PRKN: variants seen among roughly 807,000 people sequenced by gnomAD.
PRKN encodes the protein parkin RBR E3 ubiquitin protein ligase.
PRKN carries 56 observed loss-of-function variants against 59.5 expected under a neutral mutation model. The observed-to-expected ratio is 0.94, with a 90% CI of 0.76 to 1.18. PRKN has a LOEUF of 1.18. PRKN is among the 50% of genes most tolerant of loss of function. The pLI is 0.00. For synonymous variants in PRKN, 250 were observed against 222.1 expected (o/e 1.13, Z -1.12); for missense variants, 657 against 596.4 (o/e 1.10, Z -1.06).
intron 6 of PRKN, among the ~76,000 whole-genome samples, chr6:161,798,286 A>G (rs1034743168): frequency 1.3e-5 from 2 of 152,146 alleles, no homozygotes; most frequent in African/African-American, 2.4e-5. Flanking sequence ...TCATGCAAAG[A>G]TGTGACTGTC....
intron 1 of PRKN, among the ~76,000 whole-genome samples, chr6:162,666,589 G>A (rs1779114682): frequency 6.6e-6 from 1 of 152,006 alleles, no homozygotes. Flanking sequence ...TTCACATGGA[G>A]TAACATTTTA....
intron 10 of PRKN, among the ~76,000 whole-genome samples, chr6:161,384,629 T>C (rs1786147476): frequency 6.6e-6 from 1 of 152,212 alleles, no homozygotes; most frequent in Non-Finnish European, 1.5e-5. Context: ...GCAGATGTCA[T>C]CTTGGGCCTG....
At chr6:162,558,075 T>G (rs1353820660) in intron 1 of PRKN, among the ~76,000 whole-genome samples, 3 of 152,200 alleles carry the variant, frequency 2.0e-5, no homozygotes, top group Admixed American at 2.0e-4. Flanking sequence ...AGTATCTATA[T>G]CTCTCCTTTT....
chr6:162,582,636 T>C (rs1780834079), intron 1 of PRKN, among the ~76,000 whole-genome samples: 1 of 152,190 alleles, frequency 6.6e-6, no homozygotes, highest in African/African-American at 2.4e-5. Context: ...TCAGCTCTCT[T>C]TGCATTTTAA....
intron 7 of PRKN, among the ~76,000 whole-genome samples, chr6:161,718,787 C>G (rs922374092): frequency 6.6e-6 from 1 of 152,182 alleles, no homozygotes; most frequent in Admixed American, 6.5e-5. Flanking sequence ...AAATCTTCCT[C>G]CCGTTCAGTG....
chr6:161,688,975 G>A (rs1328647965), intron 7 of PRKN, among the ~76,000 whole-genome samples: 1 of 152,156 alleles, frequency 6.6e-6, no homozygotes, highest in Non-Finnish European at 1.5e-5. Context: ...AGATCACCAA[G>A]GGAAACTGGA....
intron 6 of PRKN, among the ~76,000 whole-genome samples, chr6:161,935,644 T>G (rs1194446933): frequency 6.6e-6 from 1 of 151,264 alleles, no homozygotes; most frequent in African/African-American, 2.4e-5. Context: ...TCTGCTAAAA[T>G]CCAAGCAACT....
At chr6:161,366,902 C>T (rs1013061655) in intron 10 of PRKN, among the ~76,000 whole-genome samples, 1 of 150,664 alleles carries the variant, frequency 6.6e-6, no homozygotes, top group Non-Finnish European at 1.5e-5. Context: ...ATTTACGAAT[C>T]GCTTTTTTGT....
At chr6:162,592,218 G>A (rs776061628) in intron 1 of PRKN, among the ~76,000 whole-genome samples, 5 of 151,994 alleles carry the variant, frequency 3.3e-5, no homozygotes, top group African/African-American at 4.8e-5. Flanking sequence ...AGCTGGTCTC[G>A]AACTCCTGAC....
At chr6:161,524,168 T>C (rs371588744) in intron 9 of PRKN, among the ~76,000 whole-genome samples, 19 of 152,312 alleles carry the variant, frequency 1.2e-4, no homozygotes, top group African/African-American at 2.2e-4. Context: ...CAAAAGGATG[T>C]TGGAATTATT....
intron 7 of PRKN, among the ~76,000 whole-genome samples, chr6:161,757,113 A>G (rs1278148527): frequency 2.6e-5 from 4 of 152,258 alleles, no homozygotes; most frequent in South Asian, 2.1e-4. Context: ...ATATCTTAAT[A>G]TAAAACATAA....
intron 1 of PRKN, among the ~76,000 whole-genome samples, chr6:162,566,557 A>T (rs746632113): frequency 6.6e-6 from 1 of 152,172 alleles, no homozygotes; most frequent in Non-Finnish European, 1.5e-5. Context: ...TCCTAGATAC[A>T]TACAACCTAC....
chr6:161,899,992 C>T (rs1034400663), intron 6 of PRKN, among the ~76,000 whole-genome samples: 101 of 152,030 alleles, frequency 6.6e-4, no homozygotes, highest in African/African-American at 2.4e-3. Flanking sequence ...CGTCTGTAAT[C>T]CCAGCTACTC....
intron 7 of PRKN, among the ~76,000 whole-genome samples, chr6:161,768,913 C>A (rs4512198): frequency 0.53 from 80,818 of 151,936 alleles, 21,763 homozygotes; most frequent in Non-Finnish European, 0.57. Context: ...CTCAGTAATG[C>A]CGCTATTTAT....
intron 2 of PRKN, among the ~76,000 whole-genome samples, chr6:162,289,727 C>T (rs1781342001): frequency 6.6e-6 from 1 of 151,896 alleles, no homozygotes; most frequent in African/African-American, 2.4e-5. Flanking sequence ...CAATTCACTC[C>T]ATAACGCCCA....
chr6:162,139,184 AT>A (rs1297002609), intron 4 of PRKN, among the ~76,000 whole-genome samples: 2 of 152,196 alleles, frequency 1.3e-5, no homozygotes, highest in Non-Finnish European at 2.9e-5. Context: ...TGCTGTCACT[AT>A]TTTAGGGGAT....
chr6:162,399,544 C>T (rs547019111), intron 2 of PRKN, among the ~76,000 whole-genome samples: 5 of 152,220 alleles, frequency 3.3e-5, no homozygotes, highest in African/African-American at 1.2e-4. Flanking sequence ...TACACACACA[C>T]ACATGCATGT....
At chr6:161,629,138 G>C (rs1322937237) in intron 7 of PRKN, among the ~76,000 whole-genome samples, 1 of 152,116 alleles carries the variant, frequency 6.6e-6, no homozygotes, top group South Asian at 2.1e-4. Flanking sequence ...AGGCAGGCTA[G>C]GGATGCTCAT....
intron 7 of PRKN, among the ~76,000 whole-genome samples, chr6:161,605,696 G>C (rs1413518097): frequency 6.6e-6 from 1 of 152,106 alleles, no homozygotes; most frequent in African/African-American, 2.4e-5. Flanking sequence ...ACTTAGTAGA[G>C]ATGGGGTTTC....
Sources: gnomAD v4.1 joint callset for allele counts (sites outside exome capture counted in the v4.1 genomes callset) on GRCh38, gnomAD v4.1.1 for gene constraint, MANE v1.5 for transcripts, NCBI Gene and HGNC (gene_info 2026-07-23, HGNC 2026-07-21) for gene names.